The following RBFOX1 variants were observed in gnomAD, a reference collection of about 807,000 sequenced individuals.
The protein encoded by RBFOX1 is RNA binding fox-1 homolog 1, also known as RNA binding protein fox-1 homolog 1.
Under a neutral mutation model 57.7 loss-of-function variants are expected in RBFOX1, and 8 were observed. The observed-to-expected ratio is 0.14, with a 90% CI of 0.08 to 0.25. The LOEUF (loss-of-function observed/expected upper bound fraction) is 0.25. Among genes scored for constraint, RBFOX1 ranks in the 10% least tolerant of loss-of-function variants. The pLI is 1.00. For missense variants in RBFOX1, 611 were observed against 548.5 expected (o/e 1.11, Z -1.14); for synonymous variants, 326 against 222.4 (o/e 1.47, Z -4.15).
intron 3 of RBFOX1, among the ~76,000 whole-genome samples, chr16:6,841,414 C>A (rs1343154859): frequency 2.0e-5 from 3 of 152,130 alleles, no homozygotes; most frequent in Non-Finnish European, 4.4e-5. Context: ...AATTGACATC[C>A]TGTTTTCCAT....
chr16:6,576,255 C>G (rs552413126), intron 2 of RBFOX1, among the ~76,000 whole-genome samples: 4 of 152,284 alleles, frequency 2.6e-5, no homozygotes, highest in Admixed American at 2.6e-4. Flanking sequence ...AGGGACCACT[C>G]TGGTCAGGAT....
At chr16:6,994,226 T>C (rs954103129) in intron 3 of RBFOX1, among the ~76,000 whole-genome samples, 4 of 152,144 alleles carry the variant, frequency 2.6e-5, no homozygotes, top group Non-Finnish European at 5.9e-5. Context: ...GCAGTAGTAC[T>C]CTAAGGTTAA....
intron 1 of RBFOX1, among the ~76,000 whole-genome samples, chr16:6,098,847 C>T (rs2096274204): frequency 6.6e-6 from 1 of 152,164 alleles, no homozygotes; most frequent in Admixed American, 6.5e-5. Flanking sequence ...TTTCCAGGAG[C>T]ACTAAGTGTC....
At chr16:5,901,471 G>C (rs1377770765) in intron 4 of RBFOX1, among the ~76,000 whole-genome samples, 3 of 152,156 alleles carry the variant, frequency 2.0e-5, no homozygotes, top group Non-Finnish European at 4.4e-5. Context: ...TTGTTCCGAA[G>C]GTTTGCCTAT....
chr16:6,822,992 T>A (rs2091560789), intron 3 of RBFOX1, among the ~76,000 whole-genome samples: 1 of 152,190 alleles, frequency 6.6e-6, no homozygotes, highest in African/African-American at 2.4e-5. Flanking sequence ...CTTCTCAACG[T>A]GTAGATACTT....
intron 4 of RBFOX1, among the ~76,000 whole-genome samples, chr16:7,177,686 G>C (rs1369342479): frequency 1.3e-5 from 2 of 152,084 alleles, no homozygotes; most frequent in East Asian, 3.9e-4. Context: ...AAAATTCTAG[G>C]ACAGGGGTCA....
chr16:7,152,225 C>G (rs1023137359), intron 4 of RBFOX1, among the ~76,000 whole-genome samples: 1 of 152,142 alleles, frequency 6.6e-6, no homozygotes, highest in Non-Finnish European at 1.5e-5. Flanking sequence ...TACCATGCGT[C>G]CATAGCGGTA....
intron 4 of RBFOX1, among the ~76,000 whole-genome samples, chr16:7,308,111 C>G (rs1283108939): frequency 6.6e-6 from 1 of 152,080 alleles, no homozygotes; most frequent in Non-Finnish European, 1.5e-5. Flanking sequence ...AAATAGAAAA[C>G]AGCCACACAC....
chr16:5,812,607 G>A (rs1467179141), intron 3 of RBFOX1, among the ~76,000 whole-genome samples: 2 of 151,830 alleles, frequency 1.3e-5, no homozygotes, highest in African/African-American at 4.8e-5. Flanking sequence ...CTACAAGTGT[G>A]TGCCATCATG....
intron 5 of RBFOX1, among the ~76,000 whole-genome samples, chr16:7,554,815 G>C (rs2087803460): frequency 2.0e-5 from 3 of 152,024 alleles, no homozygotes; most frequent in African/African-American, 2.4e-5. Flanking sequence ...TTATCACCAT[G>C]TTCTAACCAA....
chr16:6,044,588 C>T (rs1253510060), intron 1 of RBFOX1, among the ~76,000 whole-genome samples: 1 of 152,114 alleles, frequency 6.6e-6, no homozygotes, highest in Non-Finnish European at 1.5e-5. Context: ...TAAACAGCAT[C>T]TGCCTTTGAT....
At chr16:7,540,795 G>A (rs2082710215) in intron 5 of RBFOX1, among the ~76,000 whole-genome samples, 1 of 152,180 alleles carries the variant, frequency 6.6e-6, no homozygotes, top group Non-Finnish European at 1.5e-5. Context: ...TGCTAGGCTT[G>A]TAGGAATGTT....
At chr16:6,001,211 A>G (rs1357026005) in intron 4 of RBFOX1, among the ~76,000 whole-genome samples, 4 of 152,240 alleles carry the variant, frequency 2.6e-5, no homozygotes, top group Admixed American at 6.5e-5. Context: ...GCTTTGCCAC[A>G]TATTAGCCTG....
intron 4 of RBFOX1, among the ~76,000 whole-genome samples, chr16:7,140,163 T>C (rs1196531484): frequency 2.2e-5 from 3 of 136,518 alleles, no homozygotes; most frequent in Admixed American, 7.8e-5. Flanking sequence ...TCTCCCTCTC[T>C]CTCTCTCTCT....
intron 3 of RBFOX1, among the ~76,000 whole-genome samples, chr16:5,811,696 G>T (rs938809466): frequency 6.6e-6 from 1 of 152,070 alleles, no homozygotes; most frequent in Non-Finnish European, 1.5e-5. Context: ...TGGTCTGCCC[G>T]CCTTGGCCTC....
intron 4 of RBFOX1, among the ~76,000 whole-genome samples, chr16:7,228,891 G>A (rs1041432415): frequency 4.6e-5 from 7 of 152,126 alleles, no homozygotes; most frequent in Non-Finnish European, 8.8e-5. Context: ...CACGTTATCT[G>A]TTGCATTTTG....
chr16:7,224,694 G>A (rs902936616), intron 4 of RBFOX1, among the ~76,000 whole-genome samples: 3 of 152,178 alleles, frequency 2.0e-5, no homozygotes, highest in Non-Finnish European at 2.9e-5. Flanking sequence ...TATTTGGGGA[G>A]AGCAATGAAT....
chr16:5,249,010 A>AAAAAAG (rs2062377126), intron 1 of RBFOX1, among the ~76,000 whole-genome samples: 2 of 150,786 alleles, frequency 1.3e-5, no homozygotes, highest in Admixed American at 6.6e-5. Flanking sequence ...AAAAAAAAAA[A>AAAAAAG]AAGAGGACAA....
chr16:6,385,310 A>G (rs556517813), intron 2 of RBFOX1, among the ~76,000 whole-genome samples: 5 of 152,312 alleles, frequency 3.3e-5, no homozygotes, highest in Middle Eastern at 3.4e-3. Context: ...TGTGCCCATG[A>G]CATTATTTAA....
Sources: allele counts gnomAD v4.1 joint callset (sites outside exome capture counted in the v4.1 genomes callset), GRCh38; gene constraint gnomAD v4.1.1; transcripts MANE v1.5; gene names NCBI Gene and HGNC (gene_info 2026-07-23, HGNC 2026-07-21).